Variants in CELF3 observed in about 807,000 individuals in gnomAD.
The protein encoded by CELF3 is CAG repeat domain.
CELF3 carries 26 observed loss-of-function variants against 59.6 expected under a neutral mutation model. The ratio of observed to expected loss-of-function variants is 0.44; its 90% CI spans 0.32 to 0.61. The LOEUF (loss-of-function observed/expected upper bound fraction) is 0.61. CELF3 is among the 20% of genes least tolerant of loss of function. The pLI is 0.06. For synonymous variants in CELF3, 245 were observed against 250.7 expected (o/e 0.98, Z 0.22); for missense variants, 387 against 627.2 (o/e 0.62, Z 4.09).
At chr1:151,704,383 G>T (rs1410876279) in intron 12 of CELF3, among the ~76,000 whole-genome samples, 1 of 152,166 alleles carries the variant, frequency 6.6e-6, no homozygotes, top group Non-Finnish European at 1.5e-5. Context: ...CAGCAATGGG[G>T]TGGAGGAGAC....
At chr1:151,706,781 G>A in intron 8 of CELF3, 47 bp from the exon 9 acceptor site, 1 of 1,430,668 alleles carries the variant, frequency 7.0e-7, no homozygotes, top group Non-Finnish European at 9.5e-7. Context: ...GCACACAGTG[G>A]GGGCCCTCAG....
Position 151,700,617 on chromosome 1 carries a change from G to A in CELF3, c.*2842C>T, listed in dbSNP as rs1233270042. On this transcript the variant is annotated 3_prime_UTR_variant, in exon 13 of 13. Coordinates refer to ENST00000290583, the MANE Select transcript of CELF3 (RefSeq NM_007185.7). Reference sequence around the variant, plus strand: ...GCAGTTTAGAAAGATTGATGCTTCAGAACATAGACAGAAGGACCAATTAGG... The same window carrying A: ...GCAGTTTAGAAAGATTGATGCTTCAAAACATAGACAGAAGGACCAATTAGG... Among the ~76,000 whole-genome samples the A allele has an allele frequency of 6.6e-6, 1 of 152,190 alleles. No homozygotes were observed. Among genetic ancestry groups the A allele is most frequent in the East Asian group, 1.9e-4 (1 of 5,196 alleles).
intron 1 of CELF3, chr1:151,715,520 A>G: frequency 1.2e-6 from 1 of 859,302 alleles, no homozygotes; most frequent in Non-Finnish European, 1.7e-6. Context: ...CTTGCTGCAC[A>G]CGCACACACA....
At chr1:151,712,221 C>T (rs973421559) in intron 2 of CELF3, among the ~76,000 whole-genome samples, 4 of 152,208 alleles carry the variant, frequency 2.6e-5, no homozygotes, top group Non-Finnish European at 4.4e-5. Flanking sequence ...GACAAGCCCT[C>T]CCTCGGGCCT....
At chr1:151,708,930 C>G (rs1281334789) in intron 5 of CELF3, 68 bp downstream of exon 5, 3 of 1,445,750 alleles carry the variant, frequency 2.1e-6, no homozygotes, top group Admixed American at 1.8e-5. Context: ...GACTGCTTCT[C>G]TGGGCCAGGG....
chr1:151,704,129 CA>C (rs1672315042), intron 12 of CELF3, among the ~76,000 whole-genome samples: 1 of 152,008 alleles, frequency 6.6e-6, no homozygotes, highest in South Asian at 2.1e-4. Context: ...ATGCAACTTA[CA>C]GGGGCCCGGA....
intron 7 of CELF3, 59 bp downstream of exon 7, chr1:151,707,448 G>A: frequency 6.3e-7 from 1 of 1,595,448 alleles, no homozygotes; most frequent in African/African-American, 1.3e-5. Flanking sequence ...GCAATGCCCT[G>A]TGCCCCTCCC....
Position 151,716,796 on chromosome 1 carries a change from C to T in CELF3, c.-776G>A, listed in dbSNP as rs1298264837. The T allele has an allele frequency of 2.1e-6, 1 of 467,090 alleles. No individual in the cohort carries two copies. Among genetic ancestry groups the T allele is most frequent in the Admixed American group, 2.4e-5 (1 of 42,412 alleles). The allele number at this position is 467,090 out of a possible 1,614,324, so 28.9% of individuals were successfully genotyped here. A position where few individuals can be genotyped will look rare whatever the true frequency, so the allele number is the denominator to read the frequency against. On this transcript the variant is annotated 5_prime_UTR_variant, in exon 1 of 13. Transcript: ENST00000290583. The stretch of plus-strand genomic sequence containing the variant: ...TGCTCTCCGGCCGCGCTCTCCTCAA[C>T]AAAAACCTCCCCCCTCCACACCCCC...
At position 151,705,241 on chromosome 1, in the gene CELF3, A is replaced by G. The variant is rs1298629755; in HGVS notation, c.1271-73T>C. 42 of 1,490,964 alleles carry G rather than the reference A, an allele frequency of 2.8e-5. No homozygotes were observed. Among genetic ancestry groups the G allele is most frequent in the Non-Finnish European group, 3.6e-5 (40 of 1,102,438 alleles). 92.4% of individuals were successfully genotyped at this position (1,490,964 alleles called of 1,614,324 possible). On this transcript the variant is annotated intron_variant, in intron 11 of 12. Coordinates refer to ENST00000290583, the MANE Select transcript of CELF3 (RefSeq NM_007185.7). This position sits in a 1 kb window ranked among gnomAD's most constrained non-coding sequence, Gnocchi z 5.1. ...CCGTGCTTAGGAGACCTCTGGCACT[A>G]CCCTGTGTCTCCCAAGTGTCCCAAA...
chr1:151,702,375 A>G lies in CELF3; in HGVS notation c.*1084T>C, dbSNP rs1672141077. 1 of 151,918 alleles carries G rather than the reference A, an allele frequency of 6.6e-6. No individual in the cohort carries two copies. Among genetic ancestry groups the G allele is most frequent in the Admixed American group, 6.6e-5 (1 of 15,252 alleles). 9.4% of individuals were successfully genotyped at this position (151,918 alleles called of 1,614,324 possible). A position where few individuals can be genotyped will look rare whatever the true frequency, so the allele number is the denominator to read the frequency against. On this transcript the variant is annotated 3_prime_UTR_variant, in exon 13 of 13. Coordinates refer to ENST00000290583, the MANE Select transcript of CELF3 (RefSeq NM_007185.7). ...CAGTGTGGGTAGGGAACAATCCCCTACCCTCAACCTTCCAAGACTCTTATT... is the reference window on the plus strand; with the variant it reads ...CAGTGTGGGTAGGGAACAATCCCCTGCCCTCAACCTTCCAAGACTCTTATT...
At chr1:151,715,032 C>T (rs1673356332) in intron 1 of CELF3, among the ~76,000 whole-genome samples, 1 of 152,112 alleles carries the variant, frequency 6.6e-6, no homozygotes, top group African/African-American at 2.4e-5. Context: ...CCACCTCCCT[C>T]CATCTTGATC....
At position 151,716,245 on chromosome 1, in the gene CELF3, A is replaced by C. The variant is rs1000554424; in HGVS notation, c.-225T>G. On this transcript the variant is annotated 5_prime_UTR_variant, in exon 1 of 13. Transcript: ENST00000290583. ...GGGTCTAGGCAGACGCTGTCATGCC[A>C]CCAGGGGGCATCGCCTAAACAAACG... The C allele has an allele frequency of 2.0e-6, 1 of 497,372 alleles. No individual in the cohort carries two copies. Among genetic ancestry groups the C allele is most frequent in the African/African-American group, 1.9e-5 (1 of 51,920 alleles). The allele number at this position is 497,372 out of a possible 1,614,324, so 30.8% of individuals were successfully genotyped here.
At chr1:151,712,846 T>G (rs1673137488) in intron 2 of CELF3, among the ~76,000 whole-genome samples, 1 of 151,918 alleles carries the variant, frequency 6.6e-6, no homozygotes, top group Non-Finnish European at 1.5e-5. Context: ...GGCATGGAGA[T>G]TAAACAGTAG....
chr1:151,709,140 G>T lies in CELF3; in HGVS notation c.407-63C>A, dbSNP rs1672800524. 1.2e-6 allele frequency: 2 copies of T among 1,606,026 alleles called. No homozygotes were observed. Among genetic ancestry groups the T allele is most frequent in the African/African-American group, 2.7e-5 (2 of 74,900 alleles). On this transcript the variant is annotated intron_variant, in intron 4 of 12. Transcript: ENST00000290583. This position sits in a 1 kb window ranked among gnomAD's most constrained non-coding sequence, Gnocchi z 4.9. ...CCCATCCCTGCGGGACCCCGCGGTG[G>T]AACCCGATGCCTAGGGAGTCTTGGG...
intron 2 of CELF3, among the ~76,000 whole-genome samples, chr1:151,711,532 G>T (rs112986192): frequency 1.2e-3 from 171 of 142,868 alleles, no homozygotes; most frequent in African/African-American, 4.2e-3. Flanking sequence ...TCTGCCCCCA[G>T]CTTTATCACC....
intron 5 of CELF3, chr1:151,708,328 C>T (rs1672743893): frequency 4.7e-6 from 1 of 214,494 alleles, no homozygotes; most frequent in Non-Finnish European, 9.3e-6. Flanking sequence ...CCTGCCCCCA[C>T]ACCCCAGTCC....
rs750546119 is a variant in CELF3 at position 151,707,946 on chromosome 1, G to A, written c.487-11C>T. 3.1e-6 allele frequency: 5 copies of A among 1,606,878 alleles called. No individual in the cohort carries two copies. The Admixed American group carries it at 6.7e-5, about 22-fold the overall frequency. On this transcript the variant is annotated splice_polypyrimidine_tract_variant and intron_variant, in intron 5 of 12. Transcript: ENST00000290583. ...GCTGGACGAGGCACCCTGGGCACGG[G>A]CCCACACACAGGTCAGAGGTGCAGG...
At chr1:151,710,752 C>T (rs768985004) in intron 2 of CELF3, 3 of 456,386 alleles carry the variant, frequency 6.6e-6, no homozygotes, top group Admixed American at 2.3e-5. Context: ...GCAGTATCTC[C>T]CTTTGTTCAG....
intron 1 of CELF3, among the ~76,000 whole-genome samples, chr1:151,715,376 C>T (rs1190566549): frequency 6.6e-6 from 1 of 152,132 alleles, no homozygotes; most frequent in African/African-American, 2.4e-5. Context: ...AGCCTTCATG[C>T]CCTGCTTCCT....
Sources: gnomAD v4.1 joint callset for allele counts (sites outside exome capture counted in the v4.1 genomes callset) on GRCh38, gnomAD v4.1.1 for gene constraint, Gnocchi (gnomAD v3.1) non-coding constraint, MANE v1.5 for transcripts, NCBI Gene and HGNC (gene_info 2026-07-23, HGNC 2026-07-21) for gene names.